The following RGL1 variants were observed in gnomAD, a reference collection of about 807,000 sequenced individuals.
RGL1 encodes ral guanine nucleotide dissociation stimulator like 1.
Under a neutral mutation model 95.2 loss-of-function variants are expected in RGL1, and 24 were observed. That is an observed-to-expected ratio of 0.25 (90% CI 0.18 to 0.35). The LOEUF (loss-of-function observed/expected upper bound fraction) is 0.35. RGL1 is among the 10% of genes least tolerant of loss of function. The probability of loss-of-function intolerance (pLI) is 1.00; values close to 1 mark genes in which losing one functional copy is unlikely to be tolerated. For missense variants in RGL1, 715 were observed against 936.3 expected, an observed-to-expected ratio of 0.76 and a Z score of 3.08; for synonymous variants, 329 against 344.9, an observed-to-expected ratio of 0.95 and a Z score of 0.51.
At chr1:183,783,309 C>T (rs994906351) in intron 2 of RGL1, among the ~76,000 whole-genome samples, 34 of 152,092 alleles carry the variant, frequency 2.2e-4, no homozygotes, top group Non-Finnish European at 3.5e-4. Flanking sequence ...ATAAGGAACA[C>T]ACACACATAC....
chr1:183,639,956 G>A (rs909722947), intron 1 of RGL1, among the ~76,000 whole-genome samples: 8 of 151,666 alleles, frequency 5.3e-5, no homozygotes, highest in Non-Finnish European at 2.9e-5. Context: ...ATTCTCCTGC[G>A]TCAGCCTCCG....
rs112739475 is a variant in RGL1, at chr1:183,778,819, G to C, written c.133-27556G>C. Among the ~76,000 whole-genome samples, 591 of 152,276 alleles carry C rather than the reference G, an allele frequency of 3.9e-3. 5 individuals are homozygous for C. The highest frequency in any genetic ancestry group is 0.013 in the African/African-American group (559 of 41,568). On this transcript the variant is annotated intron_variant, in intron 2 of 18. Coordinates refer to the RGL1 transcript ENST00000304685. ...CATATTTTCCCAGATCATTACAAAA[G>C]AGGGCTCATCCTTTAGGGAATTGTC...
At chr1:183,639,213 G>A (rs111965550) in intron 1 of RGL1, among the ~76,000 whole-genome samples, 8 of 151,538 alleles carry the variant, frequency 5.3e-5, no homozygotes, top group African/African-American at 1.2e-4. Context: ...CCTAGGAGGC[G>A]GAGATGGCAG....
intron 5 of RGL1, among the ~76,000 whole-genome samples, chr1:183,881,443 A>T (rs1364790225): frequency 1.3e-5 from 2 of 152,210 alleles, no homozygotes; most frequent in Non-Finnish European, 1.5e-5. Context: ...GCAAGGACAA[A>T]GGAAAGGCCA....
chr1:183,904,597 A>T (rs1213429128), intron 12 of RGL1, among the ~76,000 whole-genome samples: 1 of 152,210 alleles, frequency 6.6e-6, no homozygotes, highest in Non-Finnish European at 1.5e-5. Context: ...CTTGTTTTAT[A>T]CAAATTGCTT....
intron 8 of RGL1, 96 bp from the exon 9 acceptor site, chr1:183,891,981 C>G: frequency 1.2e-6 from 1 of 852,348 alleles, no homozygotes; most frequent in Non-Finnish European, 1.9e-6. Context: ...TCAGCACAGT[C>G]CCTCCTTAGA....
At chr1:183,773,593 A>G (rs1317948253) in intron 2 of RGL1, among the ~76,000 whole-genome samples, 2 of 152,240 alleles carry the variant, frequency 1.3e-5, no homozygotes, top group East Asian at 3.8e-4. Context: ...AGGAACCATT[A>G]TAATTTTACT....
chr1:183,656,921 C>G (rs893160541), intron 1 of RGL1, among the ~76,000 whole-genome samples: 2 of 151,208 alleles, frequency 1.3e-5, no homozygotes, highest in Non-Finnish European at 2.9e-5. Flanking sequence ...TATGCTCTAG[C>G]CAAACTACCC....
intron 9 of RGL1, among the ~76,000 whole-genome samples, chr1:183,894,807 C>T (rs538304316): frequency 3.9e-5 from 6 of 152,234 alleles, no homozygotes; most frequent in East Asian, 3.9e-4. Flanking sequence ...GAAGATGTAA[C>T]GTGCCACTTA....
intron 1 of RGL1, among the ~76,000 whole-genome samples, chr1:183,649,044 AG>A (rs796301887): frequency 3.9e-5 from 6 of 152,368 alleles, no homozygotes; most frequent in African/African-American, 1.4e-4. Flanking sequence ...ATTCCAAGTC[AG>A]TAAAGCAAAT....
intron 4 of RGL1, among the ~76,000 whole-genome samples, chr1:183,876,985 A>G (rs1666531950): frequency 6.6e-6 from 1 of 152,208 alleles, no homozygotes; most frequent in South Asian, 2.1e-4. Context: ...GTCCTTATTG[A>G]CATTATATCA....
chr1:183,869,869 G>A (rs1015765474), intron 4 of RGL1, among the ~76,000 whole-genome samples: 1 of 152,146 alleles, frequency 6.6e-6, no homozygotes, highest in Non-Finnish European at 1.5e-5. Context: ...GCTTCCTGAT[G>A]ATCAATAGAT....
intron 1 of RGL1, among the ~76,000 whole-genome samples, chr1:183,680,953 G>C (rs1480032940): frequency 1.3e-5 from 2 of 152,172 alleles, no homozygotes; most frequent in Non-Finnish European, 2.9e-5. Flanking sequence ...GTGAATGGGA[G>C]TTCACTCATG....
chr1:183,902,692 A>T, intron 12 of RGL1, 92 bp downstream of exon 12: 1 of 1,239,376 alleles, frequency 8.1e-7, no homozygotes, highest in South Asian at 1.3e-5. Flanking sequence ...GGCAGAAAAA[A>T]ATGAGTTAGC....
At chr1:183,789,832 T>C (rs891105245) in intron 2 of RGL1, among the ~76,000 whole-genome samples, 1 of 151,306 alleles carries the variant, frequency 6.6e-6, no homozygotes, top group African/African-American at 2.4e-5. Flanking sequence ...GGATATTAGG[T>C]TGGTGCAAAT....
At chr1:183,673,683 C>T (rs1389621425) in intron 1 of RGL1, among the ~76,000 whole-genome samples, 4 of 152,300 alleles carry the variant, frequency 2.6e-5, no homozygotes, top group Non-Finnish European at 5.9e-5. Context: ...TTTAACAATT[C>T]TCAGTTTTTC....
intron 4 of RGL1, among the ~76,000 whole-genome samples, chr1:183,876,274 G>C (rs1018653732): frequency 1.3e-5 from 2 of 152,250 alleles, no homozygotes; most frequent in African/African-American, 4.8e-5. Context: ...CCTAGAAGCT[G>C]CTTTAGTATG....
intron 2 of RGL1, among the ~76,000 whole-genome samples, chr1:183,844,042 T>C (rs1664252208): frequency 8.7e-6 from 1 of 115,284 alleles, no homozygotes; most frequent in South Asian, 2.4e-4. Context: ...GCCAGGCTGT[T>C]CTTGAACTCC....
chr1:183,731,511 A>G (rs564614226), intron 1 of RGL1, among the ~76,000 whole-genome samples: 1 of 152,306 alleles, frequency 6.6e-6, no homozygotes, highest in African/African-American at 2.4e-5. Flanking sequence ...AATTTCAGAT[A>G]ACCCTCTTGG....
Sources: allele counts gnomAD v4.1 joint callset (sites outside exome capture counted in the v4.1 genomes callset), GRCh38; gene constraint gnomAD v4.1.1; transcripts MANE v1.5; gene names NCBI Gene and HGNC (gene_info 2026-07-23, HGNC 2026-07-21).